The following RAB11FIP4 variants were observed in gnomAD, a reference collection of about 807,000 sequenced individuals.
RAB11FIP4 encodes the protein RAB11 family interacting protein 4.
Under a neutral mutation model 74.3 loss-of-function variants are expected in RAB11FIP4, and 23 were observed. The ratio of observed to expected loss-of-function variants is 0.31; its 90% CI spans 0.22 to 0.44. The LOEUF (loss-of-function observed/expected upper bound fraction) is 0.44, where lower values mean the gene tolerates loss of function less well. RAB11FIP4 is among the 20% of genes least tolerant of loss of function. The pLI is 1.00. For missense variants in RAB11FIP4, 630 were observed against 863.9 expected, an observed-to-expected ratio of 0.73 and a Z score of 3.39; for synonymous variants, 360 against 359.9, an observed-to-expected ratio of 1.00 and a Z score of 0.00.
chr17:31,487,964 C>T (rs930392054), intron 3 of RAB11FIP4: 3 of 841,226 alleles, frequency 3.6e-6, no homozygotes, highest in Non-Finnish European at 4.3e-6. Flanking sequence ...TCCTCCGCCC[C>T]CGCCCCCGCC....
chr17:31,505,573 TA>T lies in RAB11FIP4; in HGVS notation c.337-12076del, dbSNP rs1192253938. Among the ~76,000 whole-genome samples the T allele has an allele frequency of 2.3e-4, 20 of 86,392 alleles. No homozygotes were observed. In the East Asian group the frequency reaches 4.7e-3, roughly 20 times the overall value. 56.7% of individuals were successfully genotyped at this position (86,392 alleles called of 152,430 possible). A position where few individuals can be genotyped will look rare whatever the true frequency, so the allele number is the denominator to read the frequency against. ...ATATAATAATAATTATAATATATAA[TA>T]ATATATAATAATAATTATATATTAT... is the stretch of plus-strand genomic sequence containing the variant. On this transcript the variant is annotated intron_variant, in intron 3 of 14. Transcript: ENST00000621161.
chr17:31,431,130 G>C (rs1049313573), intron 1 of RAB11FIP4, among the ~76,000 whole-genome samples: 1 of 152,174 alleles, frequency 6.6e-6, no homozygotes, highest in Admixed American at 6.5e-5. Context: ...CAGCTATTAG[G>C]GGTGGTGAAG....
intron 3 of RAB11FIP4, among the ~76,000 whole-genome samples, chr17:31,489,007 C>A (rs2071956196): frequency 6.6e-6 from 1 of 152,238 alleles, no homozygotes; most frequent in Non-Finnish European, 1.5e-5. Context: ...CCTTCTCTTT[C>A]CCTTTTCCCT....
At chr17:31,471,666 C>G (rs2071738234) in intron 3 of RAB11FIP4, among the ~76,000 whole-genome samples, 1 of 152,034 alleles carries the variant, frequency 6.6e-6, no homozygotes, top group South Asian at 2.1e-4. Flanking sequence ...GCTAGAGGTG[C>G]TGGGGGACAG....
intron 3 of RAB11FIP4, among the ~76,000 whole-genome samples, chr17:31,464,528 T>G (rs1166858101): frequency 1.6e-4 from 25 of 152,112 alleles, no homozygotes; most frequent in Admixed American, 1.3e-3. Context: ...CTCTGCTCAC[T>G]GCAACCTCCA....
Position 31,418,302 on chromosome 17 carries a change from C to T in RAB11FIP4, c.160-13511C>T, listed in dbSNP as rs528608281. On this transcript the variant is annotated intron_variant, in intron 1 of 14. Coordinates refer to ENST00000621161, the MANE Select transcript of RAB11FIP4 (RefSeq NM_032932.6). ...ACTCAGGAGGCTGAGGCAGCAAAAT[C>T]GCTTGAACCCGGGAGGCGGAGGTTG... is the stretch of plus-strand genomic sequence containing the variant. 1.2e-4 allele frequency among the ~76,000 whole-genome samples: 18 copies of T among 152,190 alleles called. No individual in the cohort carries two copies. The East Asian group carries it at 3.3e-3, about 28-fold the overall frequency.
At chr17:31,516,062 T>C (rs1018066416) in intron 3 of RAB11FIP4, among the ~76,000 whole-genome samples, 2 of 152,168 alleles carry the variant, frequency 1.3e-5, no homozygotes, top group African/African-American at 2.4e-5. Flanking sequence ...GGTTTATTCA[T>C]TGAGGTCCTA....
chr17:31,411,683 C>T (rs187628786), intron 1 of RAB11FIP4, among the ~76,000 whole-genome samples: 10 of 152,302 alleles, frequency 6.6e-5, no homozygotes, highest in Non-Finnish European at 1.5e-5. Flanking sequence ...TGCCTCCTGC[C>T]GTGCTTGCTG....
intron 3 of RAB11FIP4, among the ~76,000 whole-genome samples, chr17:31,452,062 T>C (rs1272291869): frequency 6.6e-6 from 1 of 152,196 alleles, no homozygotes; most frequent in Non-Finnish European, 1.5e-5. Context: ...TTTTGAAAGA[T>C]ACAAGAAATT....
At chr17:31,475,105 G>A (rs980802544) in intron 3 of RAB11FIP4, among the ~76,000 whole-genome samples, 6 of 152,096 alleles carry the variant, frequency 3.9e-5, no homozygotes, top group African/African-American at 1.4e-4. Flanking sequence ...CCTTGAAGGG[G>A]ATGGGGTCCA....
chr17:31,534,185 G>A lies in RAB11FIP4; in HGVS notation c.*2453G>A, dbSNP rs780114461. On this transcript the variant is annotated 3_prime_UTR_variant, in exon 15 of 15. Transcript: ENST00000621161. Reference sequence around the variant, plus strand: ...CCTTACCCCTCAGTAGTGGGGCTGCGAGGTAGTAGACAGGATGCCCAGTTA... The same window carrying A: ...CCTTACCCCTCAGTAGTGGGGCTGCAAGGTAGTAGACAGGATGCCCAGTTA... 3.9e-5 allele frequency: 6 copies of A among 152,310 alleles called. No individual in the cohort carries two copies. The highest frequency in any genetic ancestry group is 1.9e-4 in the East Asian group (1 of 5,186). 9.4% of individuals were successfully genotyped at this position (152,310 alleles called of 1,614,324 possible).
intron 3 of RAB11FIP4, among the ~76,000 whole-genome samples, chr17:31,435,271 G>T (rs1415467087): frequency 6.6e-6 from 1 of 152,160 alleles, no homozygotes; most frequent in Non-Finnish European, 1.5e-5. Context: ...AGGTGAGAAA[G>T]TTCCCACCTT....
intron 3 of RAB11FIP4, among the ~76,000 whole-genome samples, chr17:31,483,615 C>G (rs962465090): frequency 6.6e-6 from 1 of 152,140 alleles, no homozygotes; most frequent in African/African-American, 2.4e-5. Context: ...TCCACAGAAC[C>G]CTGAGGGTTC....
chr17:31,447,723 A>T (rs555481784), intron 3 of RAB11FIP4, among the ~76,000 whole-genome samples: 2 of 152,052 alleles, frequency 1.3e-5, no homozygotes, highest in South Asian at 2.1e-4. Context: ...GGGTTTCACC[A>T]TGTTGGCCAG....
intron 3 of RAB11FIP4, among the ~76,000 whole-genome samples, chr17:31,510,978 C>T (rs544623768): frequency 4.6e-5 from 7 of 152,204 alleles, no homozygotes; most frequent in African/African-American, 1.2e-4. Flanking sequence ...GCTGTGATTG[C>T]GCCACTGCAT....
chr17:31,427,229 G>A (rs2071261772), intron 1 of RAB11FIP4, among the ~76,000 whole-genome samples: 1 of 152,222 alleles, frequency 6.6e-6, no homozygotes, highest in South Asian at 2.1e-4. Context: ...CCGAAGTGCT[G>A]GGATTATAGG....
chr17:31,450,076 T>C (rs1208965345), intron 3 of RAB11FIP4, among the ~76,000 whole-genome samples: 1 of 152,180 alleles, frequency 6.6e-6, no homozygotes, highest in East Asian at 1.9e-4. Context: ...TACAGTGATG[T>C]AGAACAATGG....
rs1295598410 is a variant in RAB11FIP4 at position 31,434,136 on chromosome 17, G to A, written c.336+14G>A. 1.3e-6 allele frequency: 2 copies of A among 1,563,812 alleles called. No homozygotes were observed. Among genetic ancestry groups the A allele is most frequent in the Non-Finnish European group, 8.6e-7 (1 of 1,160,350 alleles). On this transcript the variant is annotated intron_variant, in intron 3 of 14. Coordinates refer to ENST00000621161, the MANE Select transcript of RAB11FIP4 (RefSeq NM_032932.6). ...TGCGTGGAGCAGGTAAGGCTTGGGGGGCCTCAAGGACCTCCATGGCTCTGC... is the reference window on the plus strand; with the variant it reads ...TGCGTGGAGCAGGTAAGGCTTGGGGAGCCTCAAGGACCTCCATGGCTCTGC...
chr17:31,437,143 G>A (rs2071366843), intron 3 of RAB11FIP4, among the ~76,000 whole-genome samples: 1 of 152,144 alleles, frequency 6.6e-6, no homozygotes, highest in African/African-American at 2.4e-5. Context: ...CTAGTGAGAT[G>A]GCGGTAGCTG....
Sources: allele counts gnomAD v4.1 joint callset (sites outside exome capture counted in the v4.1 genomes callset), GRCh38; gene constraint gnomAD v4.1.1; transcripts MANE v1.5; gene names NCBI Gene and HGNC (gene_info 2026-07-23, HGNC 2026-07-21).